The following AVEN variants were observed in gnomAD, a reference collection of about 807,000 sequenced individuals.
The protein encoded by AVEN is cell death regulator Aven.
Under a neutral mutation model 38.1 loss-of-function variants are expected in AVEN, and 41 were observed. The observed-to-expected ratio is 1.08, with a 90% CI of 0.84 to 1.40. AVEN has a LOEUF of 1.40. Ranked by LOEUF, AVEN falls within the 40% of genes most tolerant of loss-of-function variation. The pLI, the probability that AVEN is intolerant of heterozygous loss-of-function variation, is 0.00. For missense variants in AVEN, 605 were observed against 438.8 expected, an observed-to-expected ratio of 1.38 and a Z score of -3.38; for synonymous variants, 206 against 171.8, an observed-to-expected ratio of 1.20 and a Z score of -1.56.
chr15:33,875,449 G>A (rs1891179027), intron 3 of AVEN, among the ~76,000 whole-genome samples: 1 of 152,156 alleles, frequency 6.6e-6, no homozygotes, highest in Non-Finnish European at 1.5e-5. Context: ...TGAGAGACTT[G>A]CTGAAAGACT....
chr15:33,989,300 C>A (rs574297603), intron 2 of AVEN, among the ~76,000 whole-genome samples: 3 of 152,178 alleles, frequency 2.0e-5, no homozygotes, highest in Non-Finnish European at 2.9e-5. Context: ...ATATTCTAAC[C>A]CAACAGTTTG....
intron 2 of AVEN, among the ~76,000 whole-genome samples, chr15:33,889,936 T>A (rs1891863684): frequency 6.6e-6 from 1 of 152,092 alleles, no homozygotes; most frequent in African/African-American, 2.4e-5. Flanking sequence ...TCTCCACCAA[T>A]GGGGTCAAGG....
chr15:33,941,949 G>A (rs1485504292), intron 2 of AVEN, among the ~76,000 whole-genome samples: 1 of 152,110 alleles, frequency 6.6e-6, no homozygotes, highest in Non-Finnish European at 1.5e-5. Flanking sequence ...AGAAAATAAA[G>A]GGACAGCCTG....
exon 1 of AVEN, among the ~76,000 whole-genome samples, chr15:34,074,796 C>A (rs2140860786): frequency 6.6e-6 from 1 of 152,220 alleles, no homozygotes; most frequent in East Asian, 1.9e-4. Context: ...TGGGGGGACA[C>A]AATTCAATCC....
At position 33,867,795 on chromosome 15, in the gene AVEN, AT is replaced by A. The variant is rs1437832338; in HGVS notation, c.672del (p.Leu225Ter). ...AAGGGCCCCTTTAACTGCATCCCTA[AT>A]CCCTTGCCATCATCAGTTCTCTTTG... ...VKPKRTDDGKGLGMQLKGPLG... is the reference protein window; with the variant it reads ...VKPKRTDDGKXLGMQLKGPLG... On this transcript the variant is annotated frameshift_variant, in exon 5 of 6. Coordinates refer to ENST00000306730, the MANE Select transcript of AVEN (RefSeq NM_020371.3). LOFTEE classifies it high-confidence loss of function. The A allele has an allele frequency of 6.2e-7, 1 of 1,612,386 alleles. No homozygotes were observed. Among genetic ancestry groups the A allele is most frequent in the Non-Finnish European group, 8.5e-7 (1 of 1,179,524 alleles).
At chr15:33,920,904 C>T (rs654211) in intron 2 of AVEN, among the ~76,000 whole-genome samples, 117,934 of 152,038 alleles carry the variant, frequency 0.78, 46,822 homozygotes, top group East Asian at 1. Context: ...GCCCCCCAAG[C>T]AGCTGGGACC....
chr15:34,021,271 TA>T (rs1898188785), intron 1 of AVEN, among the ~76,000 whole-genome samples: 1 of 151,838 alleles, frequency 6.6e-6, no homozygotes, highest in Non-Finnish European at 1.5e-5. Context: ...CCCACTCAGC[TA>T]AAAAATATTT....
intron 4 of AVEN, among the ~76,000 whole-genome samples, chr15:33,869,865 C>T (rs1276665129): frequency 2.7e-5 from 4 of 146,762 alleles, no homozygotes; most frequent in Non-Finnish European, 6.0e-5. Flanking sequence ...TGTTGAAGTT[C>T]TTCATGGCAT....
At chr15:34,024,299 TG>T (rs1898340351) in intron 1 of AVEN, among the ~76,000 whole-genome samples, 1 of 151,874 alleles carries the variant, frequency 6.6e-6, no homozygotes, top group African/African-American at 2.4e-5. Context: ...TAGTGATAAA[TG>T]GTATCAAAAT....
intron 2 of AVEN, among the ~76,000 whole-genome samples, chr15:33,894,861 T>C (rs1016341863): frequency 5.4e-5 from 8 of 148,294 alleles, no homozygotes; most frequent in South Asian, 2.2e-4. Flanking sequence ...AATAGAATGC[T>C]GTTTTAATTG....
intron 2 of AVEN, among the ~76,000 whole-genome samples, chr15:33,966,307 C>G (rs1372061947): frequency 6.6e-6 from 1 of 152,152 alleles, no homozygotes; most frequent in Non-Finnish European, 1.5e-5. Context: ...TTCAGCTTAT[C>G]TGTATTAAAT....
intron 2 of AVEN, among the ~76,000 whole-genome samples, chr15:33,893,526 A>G (rs1384160111): frequency 6.6e-6 from 1 of 152,112 alleles, no homozygotes; most frequent in Admixed American, 6.5e-5. Flanking sequence ...ACACCCCAGT[A>G]CTCCAGCTTG....
intron 2 of AVEN, among the ~76,000 whole-genome samples, chr15:33,999,615 G>C (rs540211246): frequency 6.9e-4 from 105 of 152,072 alleles, no homozygotes; most frequent in Non-Finnish European, 9.1e-4. Context: ...CCCAGCATTT[G>C]CAAGTGCTCT....
chr15:33,871,029 T>C lies in AVEN; in HGVS notation c.518A>G (p.Asn173Ser). Residue 173 changes from asparagine to serine, a missense_variant and splice_region_variant, in exon 4 of 6, where the codon AAT becomes AGT. Coordinates refer to ENST00000306730, the MANE Select transcript of AVEN (RefSeq NM_020371.3). ...WDSEASCPKQ[N>S]SAFYVDSELL... Reference sequence around the variant, plus strand: ...CTCACTATCCACATAAAATGCTGAATTCTATATATATATATAAAAGAAAAT... The same window carrying C: ...CTCACTATCCACATAAAATGCTGAACTCTATATATATATATAAAAGAAAAT... 6.4e-7 allele frequency: 1 copy of C among 1,555,438 alleles called. No individual in the cohort carries two copies. The highest frequency in any genetic ancestry group is 8.7e-7 in the Non-Finnish European group (1 of 1,144,414).
intron 5 of AVEN, among the ~76,000 whole-genome samples, chr15:34,055,737 C>A (rs1453273478): frequency 6.7e-6 from 1 of 149,484 alleles, no homozygotes; most frequent in Non-Finnish European, 1.5e-5. Flanking sequence ...GGAGGTGGAG[C>A]TTGCAGTGAG....
At chr15:34,014,418 A>G (rs993870909) in intron 1 of AVEN, among the ~76,000 whole-genome samples, 1 of 150,026 alleles carries the variant, frequency 6.7e-6, no homozygotes, top group Non-Finnish European at 1.5e-5. Context: ...GATTCTGGGA[A>G]GATGGCAGCA....
chr15:33,854,287 A>G (rs1567330521), downstream of AVEN: 5 of 825,800 alleles, frequency 6.1e-6, no homozygotes, highest in South Asian at 7.9e-5. Flanking sequence ...AGCCATATTT[A>G]GGTTATTAAA....
upstream of AVEN, among the ~76,000 whole-genome samples, chr15:34,039,623 T>TGAG (rs1430324502): frequency 6.6e-6 from 1 of 152,068 alleles, no homozygotes; most frequent in Non-Finnish European, 1.5e-5. Flanking sequence ...TTGTGTCTGG[T>TGAG]GAGAGGTGGA....
chr15:33,889,361 C>G (rs1183024175), intron 2 of AVEN, among the ~76,000 whole-genome samples: 3 of 152,192 alleles, frequency 2.0e-5, no homozygotes, highest in African/African-American at 7.2e-5. Context: ...AAGTATCCAG[C>G]AGATTTCTTG....
Sources: allele counts gnomAD v4.1 joint callset (sites outside exome capture counted in the v4.1 genomes callset), GRCh38; gene constraint gnomAD v4.1.1; transcripts MANE v1.5; gene names NCBI Gene and HGNC (gene_info 2026-07-23, HGNC 2026-07-21).